Variants in RGMA observed in about 807,000 individuals in gnomAD.
The protein encoded by RGMA is repulsive guidance molecule BMP co-receptor a.
In RGMA, 10 loss-of-function variants were observed where a neutral mutation model predicts 23.2. The observed-to-expected ratio is 0.43, with a 90% CI of 0.27 to 0.73. The LOEUF (loss-of-function observed/expected upper bound fraction) is 0.73. Ranked by LOEUF, RGMA falls within the 30% of genes least tolerant of loss-of-function variation. RGMA has a pLI of 0.20. For synonymous variants in RGMA, 308 were observed against 279.3 expected (o/e 1.10, Z -1.03); for missense variants, 547 against 630.5 (o/e 0.87, Z 1.42).
chr15:93,042,998 T>C lies in RGMA; in HGVS notation c.*2000A>G, dbSNP rs1296462726. The C allele has an allele frequency of 2.0e-5, 3 of 152,322 alleles. No homozygotes were observed. In the East Asian group the frequency reaches 5.8e-4, roughly 29 times the overall value. The allele number at this position is 152,322 out of a possible 1,614,324, so 9.4% of individuals were successfully genotyped here. On this transcript the variant is annotated 3_prime_UTR_variant, in exon 4 of 4. Coordinates refer to ENST00000329082, the MANE Select transcript of RGMA (RefSeq NM_020211.3). ...TGTCTCTCCACCACATAGTCACCTG[T>C]CTCCCTGACTGTGTTCCACTGTCAC...
At chr15:93,069,282 G>A (rs537976251) in intron 2 of RGMA, among the ~76,000 whole-genome samples, 1 of 152,254 alleles carries the variant, frequency 6.6e-6, no homozygotes, top group South Asian at 2.1e-4. Context: ...GCTAATTTTT[G>A]TATTTTCAGT....
intron 2 of RGMA, chr15:93,066,480 G>A (rs1895156375): frequency 1.8e-6 from 1 of 548,596 alleles, no homozygotes; most frequent in South Asian, 1.6e-5. Flanking sequence ...CAGGCACCAA[G>A]GGGGTCCCAT....
intron 3 of RGMA, among the ~76,000 whole-genome samples, chr15:93,046,827 G>A (rs2054831409): frequency 6.6e-6 from 1 of 150,536 alleles, no homozygotes; most frequent in South Asian, 2.1e-4. Flanking sequence ...GGAGCAGGGA[G>A]GCTCCTTTCT....
Position 93,038,786 on chromosome 15 carries a change from G to A in RGMA, c.*6212C>T, listed in dbSNP as rs2054690288. On this transcript the variant is annotated 3_prime_UTR_variant, in exon 4 of 4. Transcript: ENST00000329082. ...AGATGGGGTTTCACCGTGTTAGCCAGGATGGTCTCGATCTCCTGACTTAGT... is the reference window on the plus strand; with the variant it reads ...AGATGGGGTTTCACCGTGTTAGCCAAGATGGTCTCGATCTCCTGACTTAGT... The A allele has an allele frequency of 6.6e-6, 1 of 152,118 alleles. No homozygotes were observed. Among genetic ancestry groups the A allele is most frequent in the Admixed American group, 6.6e-5 (1 of 15,250 alleles). The allele number at this position is 152,118 out of a possible 1,614,324, so 9.4% of individuals were successfully genotyped here. A position where few individuals can be genotyped will look rare whatever the true frequency, so the allele number is the denominator to read the frequency against.
intron 2 of RGMA, among the ~76,000 whole-genome samples, chr15:93,063,686 C>T (rs979233791): frequency 3.9e-5 from 6 of 152,226 alleles, no homozygotes; most frequent in African/African-American, 1.4e-4. Context: ...GCATTCCTCC[C>T]TGAGTCTAGC....
At chr15:93,088,894 T>G in intron 1 of RGMA, 25 bp downstream of exon 1, 3 of 1,483,728 alleles carry the variant, frequency 2.0e-6, no homozygotes, top group Non-Finnish European at 2.7e-6. Context: ...GAGCCGGGTC[T>G]GCCCGGCTCC....
chr15:93,072,800 C>CGGGGTCCGGAG, intron 2 of RGMA, 116 bp downstream of exon 2: 2 of 1,119,142 alleles, frequency 1.8e-6, no homozygotes, highest in South Asian at 1.6e-5. Context: ...AAATAGGAGG[C>CGGGGTCCGGAG]GGGGTCCGGA....
At chr15:93,047,499 AC>A (rs1323013697) in intron 3 of RGMA, among the ~76,000 whole-genome samples, 1 of 152,090 alleles carries the variant, frequency 6.6e-6, no homozygotes, top group Non-Finnish European at 1.5e-5. Flanking sequence ...TATCTGCTGC[AC>A]TACCCTCTCC....
chr15:93,067,942 G>A (rs1365355402), intron 2 of RGMA, among the ~76,000 whole-genome samples: 1 of 152,114 alleles, frequency 6.6e-6, no homozygotes, highest in Admixed American at 6.5e-5. Flanking sequence ...GCAGGACCAG[G>A]AGGAGGAAGG....
chr15:93,045,147 T>C lies in RGMA; in HGVS notation c.1204A>G (p.Lys402Glu). The change falls in exon 4 of 4, where the codon AAG becomes GAG. Residue 402 changes from lysine (K) to glutamate (E), a missense_variant. Around this residue, in one of 3 missense-constraint regions of RGMA, gnomAD observed 205 missense variants for 204.1 expected, o/e 1.00. Transcript: ENST00000329082. This position sits in a 1 kb window ranked among gnomAD's most constrained non-coding sequence, Gnocchi z 6.9. ...TTGTCTTTGTTGGAGTGGAGCATCT[T>C]GACATCCTCCAACGCGTAGTAGGCG... ...LAAYYALEDV[K>E]MLHSNKDKLH... 1 of 1,603,244 alleles carries C rather than the reference T, an allele frequency of 6.2e-7. No individual in the cohort carries two copies.
chr15:93,057,854 G>C (rs755421469), intron 2 of RGMA, among the ~76,000 whole-genome samples: 2 of 152,220 alleles, frequency 1.3e-5, no homozygotes, highest in East Asian at 1.9e-4. Context: ...GGAGAGATTG[G>C]GGGGTGGCAC....
chr15:93,065,722 C>G, intron 2 of RGMA: 1 of 1,196,278 alleles, frequency 8.4e-7, no homozygotes, highest in Non-Finnish European at 1.2e-6. Flanking sequence ...GGGCTCAGGC[C>G]GGGGACCATC....
intron 1 of RGMA, 144 bp from the exon 2 acceptor site, chr15:93,073,175 C>A (rs12908221): frequency 8.5e-6 from 10 of 1,179,904 alleles, no homozygotes; most frequent in Non-Finnish European, 1.1e-5. Flanking sequence ...TCCCGCGCCG[C>A]CCCCCGCGCG....
In RGMA at chr15:93,073,006, C is replaced by T. The variant is rs373577763; in HGVS notation, c.40G>A (p.Ala14Thr). Residue 14 changes from alanine to threonine, a missense_variant, in exon 2 of 4, where the codon GCT becomes ACT. Coordinates refer to ENST00000329082, the MANE Select transcript of RGMA (RefSeq NM_020211.3). ...PRERLVVTGR[A>T]GWMGMGRGAG... ...CCTCTCCCCATACCCATCCATCCAG[C>T]TCGGCCTGTTACCACTAGCCTCTCC... The T allele has an allele frequency of 6.8e-6, 11 of 1,610,806 alleles. No homozygotes were observed. In the African/African-American group the frequency reaches 1.1e-4, roughly 16 times the overall value.
At chr15:93,048,392 G>T (rs1241556277) in intron 3 of RGMA, among the ~76,000 whole-genome samples, 2 of 152,164 alleles carry the variant, frequency 1.3e-5, no homozygotes, top group African/African-American at 2.4e-5. Flanking sequence ...GTCTTCTCAT[G>T]AGCCCGTTCA....
chr15:93,084,281 T>C (rs1195394304), intron 1 of RGMA, among the ~76,000 whole-genome samples: 2 of 152,192 alleles, frequency 1.3e-5, no homozygotes, highest in Non-Finnish European at 2.9e-5. Flanking sequence ...ACCCAGCATT[T>C]GCCCAGGAGA....
intron 2 of RGMA, chr15:93,065,735 C>A (rs537565837): frequency 1.7e-6 from 2 of 1,192,148 alleles, no homozygotes; most frequent in Non-Finnish European, 2.4e-6. Context: ...GGACCATCAG[C>A]GGGACCGTGG....
At chr15:93,051,253 C>G (rs1171146071) in intron 3 of RGMA, among the ~76,000 whole-genome samples, 2 of 152,134 alleles carry the variant, frequency 1.3e-5, no homozygotes, top group Admixed American at 1.3e-4. Flanking sequence ...CAGAAACGCC[C>G]TTGTGGTAAA....
At chr15:93,051,959 G>A (rs1302276578) in intron 3 of RGMA, 34 bp downstream of exon 3, 1 of 1,551,920 alleles carries the variant, frequency 6.4e-7, no homozygotes, top group Admixed American at 1.9e-5. Flanking sequence ...ACAAAGGGCA[G>A]GGCTGTGCCC....
Sources: gnomAD v4.1 joint callset for allele counts (sites outside exome capture counted in the v4.1 genomes callset) on GRCh38, gnomAD v4.1.1 for gene constraint, gnomAD v4.1.1 regional missense constraint, Gnocchi (gnomAD v3.1) non-coding constraint, MANE v1.5 for transcripts, NCBI Gene and HGNC (gene_info 2026-07-23, HGNC 2026-07-21) for gene names.